The following DGUOK variants were observed in gnomAD, a reference collection of about 807,000 sequenced individuals.
DGUOK encodes deoxyguanosine kinase, mitochondrial.
DGUOK carries 30 observed loss-of-function variants against 36.6 expected under a neutral mutation model. That is an observed-to-expected ratio of 0.82 (90% CI 0.61 to 1.11). The LOEUF (loss-of-function observed/expected upper bound fraction) is 1.11. DGUOK is among the 50% of genes most tolerant of loss of function. The probability of loss-of-function intolerance (pLI) is 0.00; values close to 1 mark genes in which losing one functional copy is unlikely to be tolerated. For missense variants in DGUOK, 361 were observed against 336.4 expected (o/e 1.07, Z -0.57); for synonymous variants, 145 against 126.3 (o/e 1.15, Z -0.99).
At chr2:73,929,055 A>G (rs565282946) in intron 1 of DGUOK, among the ~76,000 whole-genome samples, 54 of 152,198 alleles carry the variant, frequency 3.5e-4, no homozygotes, top group Non-Finnish European at 7.2e-4. Context: ...TGACTTGAGT[A>G]CTTGAAAGAT....
intron 3 of DGUOK, among the ~76,000 whole-genome samples, chr2:73,949,462 C>T (rs1682556058): frequency 6.6e-6 from 1 of 152,190 alleles, no homozygotes; most frequent in Non-Finnish European, 1.5e-5. Flanking sequence ...ATCTAGAAGA[C>T]TATGTGCCAG....
chr2:73,929,061 AAGAT>A (rs1558639903), intron 1 of DGUOK, among the ~76,000 whole-genome samples: 3 of 152,156 alleles, frequency 2.0e-5, no homozygotes, highest in Non-Finnish European at 4.4e-5. Flanking sequence ...GAGTACTTGA[AAGAT>A]AGACTCCTGA....
Position 73,953,203 on chromosome 2 carries a change from AG to A in DGUOK, c.591+2473del, listed in dbSNP as rs143368601. Among the ~76,000 whole-genome samples the A allele has an allele frequency of 6.2e-3, 946 of 152,048 alleles. 10 individuals carry two copies. The highest frequency in any genetic ancestry group is 0.022 in the African/African-American group (898 of 41,482). Reference sequence around the variant, plus strand: ...CCCACCTCTCAGCACTACCACACTAAGGACCAAATTTCCAACACATGAATTC... The same window carrying A: ...CCCACCTCTCAGCACTACCACACTAAGACCAAATTTCCAACACATGAATTC... On this transcript the variant is annotated intron_variant, in intron 4 of 6. Coordinates refer to ENST00000264093, the MANE Select transcript of DGUOK (RefSeq NM_080916.3).
intron 2 of DGUOK, among the ~76,000 whole-genome samples, chr2:73,940,955 A>G (rs926988384): frequency 6.6e-6 from 1 of 152,242 alleles, no homozygotes; most frequent in African/African-American, 2.4e-5. Flanking sequence ...CATGTCCACA[A>G]TTGTTTGATA....
chr2:73,946,936 A>G (rs1682382991), intron 3 of DGUOK, 30 bp downstream of exon 3: 1 of 1,587,586 alleles, frequency 6.3e-7, no homozygotes, highest in Non-Finnish European at 8.6e-7. Context: ...ACCAGTCACA[A>G]GCCCCATGCT....
intron 4 of DGUOK, 150 bp from the exon 5 acceptor site, chr2:73,956,975 G>GGTCGCCGA: frequency 3.0e-5 from 17 of 568,216 alleles, no homozygotes; most frequent in Middle Eastern, 4.7e-4. Flanking sequence ...TAGATCCTCT[G>GGTCGCCGA]ATTGCATAAG....
chr2:73,927,124 G>C (rs1680656789), intron 1 of DGUOK, 72 bp downstream of exon 1: 8 of 1,589,956 alleles, frequency 5.0e-6, no homozygotes, highest in Non-Finnish European at 6.0e-6. Context: ...AAAGGAGCTG[G>C]GCCCGGAATG....
intron 3 of DGUOK, 156 bp downstream of exon 3, chr2:73,947,062 G>C: frequency 1.3e-6 from 1 of 763,828 alleles, no homozygotes; most frequent in South Asian, 1.5e-5. Flanking sequence ...GTCCAGAGTT[G>C]TACTTCTACC....
intron 3 of DGUOK, chr2:73,948,029 T>C (rs891507504): frequency 2.6e-5 from 4 of 152,320 alleles, no homozygotes; most frequent in Non-Finnish European, 5.9e-5. Context: ...ACAAACCCTA[T>C]AGGCTATCCG....
intron 4 of DGUOK, among the ~76,000 whole-genome samples, chr2:73,952,105 G>T (rs545949959): frequency 2.0e-5 from 3 of 152,332 alleles, no homozygotes; most frequent in Admixed American, 2.0e-4. Flanking sequence ...GGAGCTCGAG[G>T]CTACAGTGAG....
intron 1 of DGUOK, among the ~76,000 whole-genome samples, chr2:73,934,169 T>A (rs1370728046): frequency 6.6e-6 from 1 of 152,204 alleles, no homozygotes. Flanking sequence ...ATTACATAGC[T>A]ATGGTAGGCA....
chr2:73,957,452 G>GGTGGA (rs1683197521), intron 5 of DGUOK, among the ~76,000 whole-genome samples: 1 of 152,204 alleles, frequency 6.6e-6, no homozygotes, highest in African/African-American at 2.4e-5. Flanking sequence ...GGCTGAGGCA[G>GGTGGA]TCACCTGAGG....
At chr2:73,940,094 G>T (rs188065461) in intron 2 of DGUOK, among the ~76,000 whole-genome samples, 1 of 152,090 alleles carries the variant, frequency 6.6e-6, no homozygotes, top group African/African-American at 2.4e-5. Flanking sequence ...TAGAGACAGG[G>T]TTTCGCCATG....
chr2:73,958,209 T>C lies in DGUOK; in HGVS notation c.771T>C (p.Ser257=), dbSNP rs1255769917. ...VLVLDVNDDF[S]EEVTKQEDLM... is the part of the protein sequence containing the mutation. Reference sequence around the variant, plus strand: ...TGTTGGATGTCAATGATGATTTTTCTGAGGAAGTAACCAAACAAGAAGACC... The same window carrying C: ...TGTTGGATGTCAATGATGATTTTTCCGAGGAAGTAACCAAACAAGAAGACC... Residue 257 remains serine, a synonymous_variant, in exon 6 of 7, where the codon TCT becomes TCC. Transcript: ENST00000264093. 16 of 1,613,800 alleles carry C rather than the reference T, an allele frequency of 9.9e-6. No individual in the cohort carries two copies. The highest frequency in any genetic ancestry group is 1.4e-5 in the Non-Finnish European group (16 of 1,179,862).
rs1680630376 is a variant in DGUOK at position 73,926,926 on chromosome 2, CTCTT to C, written c.20_23del (p.Phe7Ter). On this transcript the variant is annotated frameshift_variant, in exon 1 of 7. Transcript: ENST00000264093. LOFTEE classifies it high-confidence loss of function. ...CGTGGGTGGGATGGCCGCGGGCCGC[CTCTT>C]TCTAAGTCGGCTTCGAGCACCCTTC... 6.2e-7 allele frequency: 1 copy of C among 1,613,450 alleles called. No homozygotes were observed. The highest frequency in any genetic ancestry group is 1.3e-5 in the African/African-American group (1 of 74,936).
Position 73,950,574 on chromosome 2 carries a change from C to CT in DGUOK, c.444-9dup. The CT allele has an allele frequency of 1.2e-6, 2 of 1,614,126 alleles. No homozygotes were observed. The highest frequency in any genetic ancestry group is 1.7e-6 in the Non-Finnish European group (2 of 1,179,988). ...TCCTGCCCTCCCCATTCCCATCCCA[C>CT]TTCCAACCAGGTATATCTTTGCAAA... On this transcript the variant is annotated splice_polypyrimidine_tract_variant and intron_variant, in intron 3 of 6. Transcript: ENST00000264093.
intron 4 of DGUOK, among the ~76,000 whole-genome samples, chr2:73,954,408 G>A (rs1009871012): frequency 3.3e-5 from 5 of 151,948 alleles, no homozygotes; most frequent in Admixed American, 6.6e-5. Flanking sequence ...GGTGACTCAC[G>A]CCTGTAATCC....
At chr2:73,957,590 C>T (rs779795968) in intron 5 of DGUOK, among the ~76,000 whole-genome samples, 2 of 152,172 alleles carry the variant, frequency 1.3e-5, no homozygotes, top group Non-Finnish European at 2.9e-5. Context: ...AGGAGAATCG[C>T]TTGAACCTGG....
intron 1 of DGUOK, among the ~76,000 whole-genome samples, chr2:73,936,458 G>T (rs926122220): frequency 1.3e-5 from 2 of 152,184 alleles, no homozygotes; most frequent in Non-Finnish European, 2.9e-5. Flanking sequence ...GAGCGTGACT[G>T]TACAAATCCA....
Sources: gnomAD v4.1 joint callset for allele counts (sites outside exome capture counted in the v4.1 genomes callset) on GRCh38, gnomAD v4.1.1 for gene constraint, MANE v1.5 for transcripts, NCBI Gene and HGNC (gene_info 2026-07-23, HGNC 2026-07-21) for gene names.